Variants in OPTN observed in about 807,000 individuals in gnomAD.
OPTN encodes optineurin.
A neutral mutation model predicts 70.4 loss-of-function variants in OPTN; 54 were observed. The ratio of observed to expected loss-of-function variants is 0.77; its 90% CI spans 0.62 to 0.96. The LOEUF is 0.96. OPTN is among the 40% of genes least tolerant of loss of function. OPTN has a pLI of 0.00. For missense variants in OPTN, 624 were observed against 673.2 expected (o/e 0.93, Z 0.81); for synonymous variants, 256 against 248.5 (o/e 1.03, Z -0.28).
In OPTN at chr10:13,137,279, G is replaced by A. The variant is rs886046825; in HGVS notation, c.*413G>A. 1.6e-4 allele frequency: 50 copies of A among 303,544 alleles called. No homozygotes were observed. The highest frequency in any genetic ancestry group is 2.7e-4 in the Non-Finnish European group (43 of 159,782). The allele number at this position is 303,544 out of a possible 1,614,324, so 18.8% of individuals were successfully genotyped here. On this transcript the variant is annotated 3_prime_UTR_variant, in exon 15 of 15. Coordinates refer to ENST00000378747, the MANE Select transcript of OPTN (RefSeq NM_001008212.2). ...GGGTGACAGAGGGAGACTCTGTCTC[G>A]AAAGAAAGAAAGAAAAAAAGGAAGG... is the stretch of plus-strand genomic sequence containing the variant.
In OPTN at chr10:13,126,059, A is replaced by G. The variant is rs1189952706; in HGVS notation, c.1242+20A>G. The stretch of plus-strand genomic sequence containing the variant: ...AAAGAGGTATTCACTGAAAAAAATT[A>G]CTTCCATAGCCTAGTAATGAACAGA... On this transcript the variant is annotated intron_variant, in intron 11 of 14. Coordinates refer to ENST00000378747, the MANE Select transcript of OPTN (RefSeq NM_001008212.2). 1 of 1,415,476 alleles carries G rather than the reference A, an allele frequency of 7.1e-7. No individual in the cohort carries two copies. The highest frequency in any genetic ancestry group is 2.3e-5 in the East Asian group (1 of 43,870). The allele number at this position is 1,415,476 out of a possible 1,614,324, so 87.7% of individuals were successfully genotyped here. A position where few individuals can be genotyped will look rare whatever the true frequency, so the allele number is the denominator to read the frequency against.
rs200687404 is a variant in OPTN, at chr10:13,121,500, TAAAAAAAAA to T, written c.780-866_780-858del. Among the ~76,000 whole-genome samples, 55 of 90,880 alleles carry T rather than the reference TAAAAAAAAA, an allele frequency of 6.1e-4. 2 individuals are homozygous for T. Among genetic ancestry groups the T allele is most frequent in the African/African-American group, 1.9e-3 (42 of 21,584 alleles). The allele number at this position is 90,880 out of a possible 152,430, so 59.6% of individuals were successfully genotyped here. ...TTCTTTTTCTTGCCTGATTATCCTG[TAAAAAAAAA>T]AAAAAAAAAAAAAAAAAAGTGTTAC... On this transcript the variant is annotated intron_variant, in intron 7 of 14. Coordinates refer to ENST00000378747, the MANE Select transcript of OPTN (RefSeq NM_001008212.2).
rs761860136 is a variant in OPTN at position 13,133,593 on chromosome 10, G to A, written c.1612+12G>A. 2.5e-6 allele frequency: 4 copies of A among 1,611,952 alleles called. No homozygotes were observed. In the African/African-American group the frequency reaches 5.3e-5, roughly 22 times the overall value. On this transcript the variant is annotated intron_variant, in intron 14 of 14. Coordinates refer to ENST00000378747, the MANE Select transcript of OPTN (RefSeq NM_001008212.2). ...CCTTGTTCAAAGAGGTGAGTCCCGT[G>A]TGATCCTGGATTTTCAGGAAATAGC...
chr10:13,132,316 C>A (rs1833610629), intron 13 of OPTN, 119 bp downstream of exon 13: 5 of 1,042,764 alleles, frequency 4.8e-6, no homozygotes, highest in Admixed American at 4.2e-5. Flanking sequence ...CCACTGCACT[C>A]CTGCCTAGGT....
chr10:13,114,889 T>TTC, intron 5 of OPTN, among the ~76,000 whole-genome samples: 1 of 88,964 alleles, frequency 1.1e-5, no homozygotes, highest in Non-Finnish European at 2.1e-5. Context: ...TTATATACAC[T>TTC]TACATATGTA....
At chr10:13,135,235 G>T (rs1010682256) in intron 14 of OPTN, among the ~76,000 whole-genome samples, 1 of 152,100 alleles carries the variant, frequency 6.6e-6, no homozygotes, top group African/African-American at 2.4e-5. Context: ...GAGATGCCCG[G>T]GAGCCAGAAA....
At chr10:13,115,006 TA>T (rs1283773978) in intron 5 of OPTN, among the ~76,000 whole-genome samples, 49 of 66,898 alleles carry the variant, frequency 7.3e-4, no homozygotes, top group African/African-American at 2.5e-3. Context: ...TATATATATT[TA>T]TATATATAGA....
intron 14 of OPTN, among the ~76,000 whole-genome samples, chr10:13,135,192 C>T (rs796181415): frequency 2.5e-4 from 38 of 152,218 alleles, no homozygotes; most frequent in African/African-American, 9.1e-4. Context: ...AAAACCAAGA[C>T]GGTTTGCATT....
rs1564359990 is a variant in OPTN, at chr10:13,115,503, A to AG, written c.553-763dup. 8.1e-3 allele frequency among the ~76,000 whole-genome samples: 854 copies of AG among 105,224 alleles called. 11 individuals carry two copies. The highest frequency in any genetic ancestry group is 0.012 in the Non-Finnish European group (714 of 58,232). The allele number at this position is 105,224 out of a possible 152,430, so 69.0% of individuals were successfully genotyped here. A position where few individuals can be genotyped will look rare whatever the true frequency, so the allele number is the denominator to read the frequency against. On this transcript the variant is annotated intron_variant, in intron 5 of 14. Transcript: ENST00000378747. ...TAATATATTCTATATTATATAATAT[A>AG]GAATATATATAATATATTCTATAAT...
At chr10:13,101,418 G>A (rs546540897) in intron 1 of OPTN, among the ~76,000 whole-genome samples, 106 of 6,218 alleles carry the variant, frequency 0.017, no homozygotes, top group Non-Finnish European at 0.044. Flanking sequence ...ACCCACCCCC[G>A]GAAAACCAAA....
At position 13,108,128 on chromosome 10, in the gene OPTN, G is replaced by A. The variant is rs1369495901; in HGVS notation, c.-163-10G>A. 6.6e-6 allele frequency: 1 copy of A among 152,206 alleles called. No individual in the cohort carries two copies. The highest frequency in any genetic ancestry group is 6.5e-5 in the Admixed American group (1 of 15,280). 9.4% of individuals were successfully genotyped at this position (152,206 alleles called of 1,614,324 possible). The stretch of plus-strand genomic sequence containing the variant: ...AAGTACTCAGTAATATAACTTTGTT[G>A]TTTTACAAGGTGTGGCTTTGATAGC... On this transcript the variant is annotated splice_polypyrimidine_tract_variant and intron_variant, in intron 1 of 14. Transcript: ENST00000378747.
chr10:13,108,353 T>A (rs1040915811), intron 2 of OPTN, 64 bp downstream of exon 2: 1 of 152,180 alleles, frequency 6.6e-6, no homozygotes, highest in African/African-American at 2.4e-5. Flanking sequence ...AAACTAAATA[T>A]AGGTTTTAAA....
At chr10:13,136,345 T>TA (rs1833698461) in intron 14 of OPTN, among the ~76,000 whole-genome samples, 1 of 151,168 alleles carries the variant, frequency 6.6e-6, no homozygotes, top group Non-Finnish European at 1.5e-5. Context: ...ACATCTCTAC[T>TA]AAAAATACAA....
Position 13,113,797 on chromosome 10 carries a change from C to A in OPTN, c.552+1162C>A, listed in dbSNP as rs138005308. ...GACTGGCCGGGTGTAATGGCTCACG[C>A]CTATAATCCCAGCACTTTGGGAGGC... On this transcript the variant is annotated intron_variant, in intron 5 of 14. Transcript: ENST00000378747. Among the ~76,000 whole-genome samples, 57 of 152,226 alleles carry A rather than the reference C, an allele frequency of 3.7e-4. 1 individual carries two copies. The East Asian group carries it at 0.01, about 28-fold the overall frequency.
chr10:13,119,128 A>C (rs758644818), intron 7 of OPTN, 88 bp downstream of exon 7: 288 of 1,206,750 alleles, frequency 2.4e-4, no homozygotes, highest in Non-Finnish European at 3.2e-4. Flanking sequence ...CACCCATTTA[A>C]AGTATACATT....
chr10:13,101,855 T>G (rs777309679), intron 1 of OPTN, among the ~76,000 whole-genome samples: 2 of 152,208 alleles, frequency 1.3e-5, no homozygotes, highest in African/African-American at 2.4e-5. Flanking sequence ...ATGCTGAGTT[T>G]GTCACCTACA....
upstream of OPTN, chr10:13,100,158 A>C (rs1335271009): frequency 2.0e-5 from 3 of 153,118 alleles, no homozygotes; most frequent in Non-Finnish European, 4.4e-5. Flanking sequence ...AGCCCTAGGC[A>C]CCCCAGTCCC....
chr10:13,136,763 G>A lies in OPTN; in HGVS notation c.1631G>A (p.Trp544Ter). Residue 544 changes from tryptophan to a stop codon, truncating the protein, a stop_gained, in exon 15 of 15, where the codon TGG (tryptophan) becomes TAG (stop). Coordinates refer to ENST00000378747, the MANE Select transcript of OPTN (RefSeq NM_001008212.2). LOFTEE classifies it high-confidence loss of function. ...TTCCCAGGAGCTGAGGACAGGGACT[G>A]GCGGCAACAGCGGAATATTCCGATT... Reference protein sequence around the residue: ...LVQRGAEDRDWRQQRNIPIHS... With the variant: ...LVQRGAEDRD 6.2e-7 allele frequency: 1 copy of A among 1,614,090 alleles called. No homozygotes were observed.
At chr10:13,134,872 T>C (rs1833667232) in intron 14 of OPTN, among the ~76,000 whole-genome samples, 1 of 152,236 alleles carries the variant, frequency 6.6e-6, no homozygotes, top group South Asian at 2.1e-4. Context: ...GTCTCATTTA[T>C]TCAGCAGATA....
Sources: allele counts gnomAD v4.1 joint callset (sites outside exome capture counted in the v4.1 genomes callset), GRCh38; gene constraint gnomAD v4.1.1; transcripts MANE v1.5; gene names NCBI Gene and HGNC (gene_info 2026-07-23, HGNC 2026-07-21).